Variants in CDH4 observed in about 807,000 individuals in gnomAD.
CDH4 encodes the protein cadherin-4.
Under a neutral mutation model 86.0 loss-of-function variants are expected in CDH4, and 33 were observed. The ratio of observed to expected loss-of-function variants is 0.38; its 90% CI spans 0.29 to 0.51. CDH4 has a LOEUF of 0.51. Among genes scored for constraint, CDH4 ranks in the 20% least tolerant of loss-of-function variants. CDH4 has a pLI of 0.86. For synonymous variants in CDH4, 555 were observed against 549.4 expected (o/e 1.01, Z -0.14); for missense variants, 1,114 against 1,307.4 (o/e 0.85, Z 2.28).
intron 2 of CDH4, among the ~76,000 whole-genome samples, chr20:61,658,301 A>G (rs1366085228): frequency 1.3e-5 from 2 of 151,384 alleles, no homozygotes; most frequent in Non-Finnish European, 2.9e-5. Flanking sequence ...GGATCTCTGT[A>G]TTAGAGAGGG....
intron 2 of CDH4, among the ~76,000 whole-genome samples, chr20:61,545,537 C>T (rs934136792): frequency 7.9e-5 from 12 of 152,222 alleles, no homozygotes; most frequent in African/African-American, 2.4e-4. Context: ...CACTCTGTCC[C>T]GTCCTCTTTC....
At chr20:61,341,238 C>T (rs1182660358) in intron 2 of CDH4, among the ~76,000 whole-genome samples, 1 of 152,212 alleles carries the variant, frequency 6.6e-6, no homozygotes, top group Non-Finnish European at 1.5e-5. Flanking sequence ...TGGTTGAAGG[C>T]ATCACTCTTG....
In CDH4 at chr20:61,703,635, G is replaced by T. The variant is rs868324048; in HGVS notation, c.170-39928G>T. Among the ~76,000 whole-genome samples the T allele has an allele frequency of 2.0e-5, 3 of 152,148 alleles. No homozygotes were observed. Among genetic ancestry groups the T allele is most frequent in the Non-Finnish European group, 2.9e-5 (2 of 68,030 alleles). ...TGGATGAATCTGCAAAGAGAGCGGG[G>T]ATCTGATGTGTGCAGCCATCTCATT... On this transcript the variant is annotated intron_variant, in intron 2 of 15. Transcript: ENST00000614565. This position sits in a 1 kb window ranked among gnomAD's most constrained non-coding sequence, Gnocchi z 4.3.
At chr20:61,504,627 A>G (rs1456887315) in intron 2 of CDH4, among the ~76,000 whole-genome samples, 2 of 152,198 alleles carry the variant, frequency 1.3e-5, no homozygotes, top group Admixed American at 6.5e-5. Context: ...AGCAGAGCGG[A>G]GGATCCAGGC....
chr20:61,296,095 C>G (rs1024393842), intron 2 of CDH4, among the ~76,000 whole-genome samples: 4 of 151,888 alleles, frequency 2.6e-5, no homozygotes, highest in Non-Finnish European at 5.9e-5. Flanking sequence ...AGGAGAGCGG[C>G]TTCTAGGCAG....
Position 61,811,932 on chromosome 20 carries a change from A to G in CDH4, c.577-32736A>G, listed in dbSNP as rs921094449. ...GGTGATCCACCTACCTCGGCCTCCC[A>G]AAGTGCTAGGATTATAGGCATGAGC... On this transcript the variant is annotated intron_variant, in intron 4 of 15. Transcript: ENST00000614565. This position sits in a 1 kb window ranked among gnomAD's most constrained non-coding sequence, Gnocchi z 4.4. Among the ~76,000 whole-genome samples the G allele has an allele frequency of 3.3e-5, 5 of 151,996 alleles. No homozygotes were observed. Among genetic ancestry groups the G allele is most frequent in the African/African-American group, 1.2e-4 (5 of 41,364 alleles).
At chr20:61,397,360 C>T (rs1298188921) in intron 2 of CDH4, among the ~76,000 whole-genome samples, 1 of 148,684 alleles carries the variant, frequency 6.7e-6, no homozygotes, top group Non-Finnish European at 1.5e-5. Context: ...GGGTGGTGGC[C>T]AGGTCCCGAA....
intron 2 of CDH4, among the ~76,000 whole-genome samples, chr20:61,667,499 A>G (rs879900273): frequency 2.0e-5 from 3 of 152,358 alleles, no homozygotes; most frequent in Admixed American, 2.0e-4. Flanking sequence ...ACCTGTTTCC[A>G]GAGAGGGTGG....
intron 2 of CDH4, among the ~76,000 whole-genome samples, chr20:61,545,654 C>T (rs1168916225): frequency 1.3e-5 from 2 of 152,184 alleles, no homozygotes; most frequent in Non-Finnish European, 2.9e-5. Context: ...GCAGAGCCGT[C>T]AAGAGAACCG....
chr20:61,915,225 C>G (rs1210512164), intron 9 of CDH4, among the ~76,000 whole-genome samples: 2 of 152,248 alleles, frequency 1.3e-5, no homozygotes, highest in Non-Finnish European at 2.9e-5. Context: ...AGGTTCCTCG[C>G]TGGCCCTGCC....
intron 2 of CDH4, among the ~76,000 whole-genome samples, chr20:61,525,782 T>G (rs553211788): frequency 6.6e-6 from 1 of 152,308 alleles, no homozygotes; most frequent in African/African-American, 2.4e-5. Flanking sequence ...CGGCTGCCCC[T>G]TGCCTATCCT....
rs541532740 is a variant in CDH4 at position 61,343,278 on chromosome 20, A to T, written c.169+88341A>T. On this transcript the variant is annotated intron_variant, in intron 2 of 15. Coordinates refer to ENST00000614565, the MANE Select transcript of CDH4 (RefSeq NM_001794.5). ...TGTCTGTTCTAGGCTGGAAAATAAG[A>T]CTCAAAATGATTGTGACTTAAGGTA... is the stretch of plus-strand genomic sequence containing the variant. Among the ~76,000 whole-genome samples the T allele has an allele frequency of 1.2e-4, 19 of 152,344 alleles. No homozygotes were observed. In the South Asian group the frequency reaches 3.7e-3, roughly 30 times the overall value.
intron 9 of CDH4, among the ~76,000 whole-genome samples, chr20:61,920,122 G>GGCGATTGTGTGGAAGCGTGGTGTCGCA (rs2054958046): frequency 7.9e-6 from 1 of 127,170 alleles, no homozygotes; most frequent in African/African-American, 3.0e-5. Flanking sequence ...AGCGTGTCAC[G>GGCGATTGTGTGGAAGCGTGGTGTCGCA]GTGATTGCGT....
chr20:61,739,247 C>G (rs1260833609), intron 2 of CDH4, among the ~76,000 whole-genome samples: 1 of 152,198 alleles, frequency 6.6e-6, no homozygotes, highest in Non-Finnish European at 1.5e-5. Flanking sequence ...CGGGGGGTCC[C>G]GTGAAGATTC....
chr20:61,393,552 C>T lies in CDH4; in HGVS notation c.169+138615C>T, dbSNP rs185325341. Among the ~76,000 whole-genome samples, 86 of 152,288 alleles carry T rather than the reference C, an allele frequency of 5.6e-4. No individual in the cohort carries two copies. Among genetic ancestry groups the T allele is most frequent in the South Asian group, 1.0e-3 (5 of 4,816 alleles). On this transcript the variant is annotated intron_variant, in intron 2 of 15. Coordinates refer to ENST00000614565, the MANE Select transcript of CDH4 (RefSeq NM_001794.5). The surrounding 1 kb of genome is among the most constrained non-coding windows in gnomAD (Gnocchi z 4.3). Reference sequence around the variant, plus strand: ...GGGTCTTTATGGAGCAGGATCCTCACGTAGCCCACATTCGCCACAGCCACT... The same window carrying T: ...GGGTCTTTATGGAGCAGGATCCTCATGTAGCCCACATTCGCCACAGCCACT...
chr20:61,641,527 G>A (rs1275069851), intron 2 of CDH4, among the ~76,000 whole-genome samples: 1 of 152,234 alleles, frequency 6.6e-6, no homozygotes, highest in Non-Finnish European at 1.5e-5. Context: ...CCTCACCTCA[G>A]CACCCTTGGT....
intron 2 of CDH4, among the ~76,000 whole-genome samples, chr20:61,654,730 G>T (rs1168119332): frequency 6.6e-6 from 1 of 152,280 alleles, no homozygotes; most frequent in Non-Finnish European, 1.5e-5. Context: ...ATTCTGTAGG[G>T]AGTGTGGTCT....
intron 2 of CDH4, among the ~76,000 whole-genome samples, chr20:61,559,509 A>ATTTT (rs1347282522): frequency 4.6e-5 from 5 of 107,804 alleles, no homozygotes; most frequent in Admixed American, 9.3e-5. Context: ...TTTCTTTTTA[A>ATTTT]TTTTTTTTTC....
chr20:61,375,767 T>G (rs1475216687), intron 2 of CDH4, among the ~76,000 whole-genome samples: 1 of 126,440 alleles, frequency 7.9e-6, no homozygotes, highest in Non-Finnish European at 1.7e-5. Flanking sequence ...GTGGTGCTGG[T>G]GGTGGTCATA....
Sources: gnomAD v4.1 joint callset for allele counts (sites outside exome capture counted in the v4.1 genomes callset) on GRCh38, gnomAD v4.1.1 for gene constraint, Gnocchi (gnomAD v3.1) non-coding constraint, MANE v1.5 for transcripts, NCBI Gene and HGNC (gene_info 2026-07-23, HGNC 2026-07-21) for gene names.